Variants in RNF157 observed in about 807,000 individuals in gnomAD.
RNF157 encodes E3 ubiquitin ligase RNF157.
In RNF157, 55 loss-of-function variants were observed where a neutral mutation model predicts 88.3. The observed-to-expected ratio is 0.62, with a 90% CI of 0.50 to 0.78. The LOEUF is 0.78. Ranked by LOEUF, RNF157 falls within the 30% of genes least tolerant of loss-of-function variation. The probability of loss-of-function intolerance (pLI) is 0.00; values close to 1 mark genes in which losing one functional copy is unlikely to be tolerated. For missense variants in RNF157, 788 were observed against 860.8 expected, an observed-to-expected ratio of 0.92 and a Z score of 1.06; for synonymous variants, 334 against 341.2, an observed-to-expected ratio of 0.98 and a Z score of 0.23.
At chr17:76,198,163 G>C (rs1332638661) in intron 2 of RNF157, among the ~76,000 whole-genome samples, 1 of 152,198 alleles carries the variant, frequency 6.6e-6, no homozygotes, top group African/African-American at 2.4e-5. Context: ...GGCTTATCAT[G>C]CCAGAGGTGC....
chr17:76,147,386 G>GCAC (rs1227821260), intron 18 of RNF157: 1 of 977,322 alleles, frequency 1.0e-6, no homozygotes, highest in Non-Finnish European at 1.2e-6. Flanking sequence ...AAAAACAGCA[G>GCAC]CACCACCACC....
intron 1 of RNF157, among the ~76,000 whole-genome samples, chr17:76,239,761 C>T (rs183468209): frequency 6.6e-6 from 1 of 152,194 alleles, no homozygotes; most frequent in Middle Eastern, 3.2e-3. Context: ...CCCCGCGAGG[C>T]AGGTAGGCTT....
rs757374111 is a variant in RNF157, at chr17:76,161,616, C to A, written c.984G>T (p.Met328Ile). ...PFRALLQIRA[M>I]RKKLGPLSPT... Reference sequence around the variant, plus strand: ...GGGACAAGGGGCCCAATTTTTTCCTCATGGCTCGGATCTGAAGCAGTGCCC... The same window carrying A: ...GGGACAAGGGGCCCAATTTTTTCCTAATGGCTCGGATCTGAAGCAGTGCCC... Residue 328 changes from methionine to isoleucine, a missense_variant, in exon 11 of 19, where the codon ATG becomes ATT. Met to Ile is a conservative substitution (Grantham distance 10). Coordinates refer to ENST00000269391, the MANE Select transcript of RNF157 (RefSeq NM_052916.3). The surrounding 1 kb of genome is among the most constrained non-coding windows in gnomAD (Gnocchi z 4.6). The A allele has an allele frequency of 3.1e-6, 5 of 1,614,150 alleles. No homozygotes were observed. Among genetic ancestry groups the A allele is most frequent in the Non-Finnish European group, 4.2e-6 (5 of 1,180,024 alleles).
chr17:76,204,761 A>C (rs1388443859), intron 2 of RNF157, among the ~76,000 whole-genome samples: 1 of 149,152 alleles, frequency 6.7e-6, no homozygotes, highest in African/African-American at 2.5e-5. Flanking sequence ...TATGCATCTT[A>C]TTTCTTTTCT....
chr17:76,211,796 G>A (rs2069805272), intron 2 of RNF157: 1 of 152,354 alleles, frequency 6.6e-6, no homozygotes, highest in Non-Finnish European at 1.5e-5. Context: ...ATGATGCAGA[G>A]AAGGTGCGCA....
rs192989012 is a variant in RNF157, at chr17:76,237,723, C to T, written c.88+2430G>A. On this transcript the variant is annotated intron_variant, in intron 1 of 18. Coordinates refer to ENST00000269391, the MANE Select transcript of RNF157 (RefSeq NM_052916.3). Reference sequence around the variant, plus strand: ...CAGTGAAATGAATGGGAGGCCAAGGCGGGAGGATTGCTTGAGACCACGAGT... The same window carrying T: ...CAGTGAAATGAATGGGAGGCCAAGGTGGGAGGATTGCTTGAGACCACGAGT... Among the ~76,000 whole-genome samples, 6 of 152,188 alleles carry T rather than the reference C, an allele frequency of 3.9e-5. No homozygotes were observed. The South Asian group carries it at 6.2e-4, about 16-fold the overall frequency.
chr17:76,167,461 G>A (rs2068945814), intron 4 of RNF157, among the ~76,000 whole-genome samples, 190 bp downstream of exon 4: 2 of 152,334 alleles, frequency 1.3e-5, no homozygotes, highest in South Asian at 4.1e-4. Flanking sequence ...TCAGGAACCA[G>A]ATCTCATCTG....
At chr17:76,175,623 C>T (rs573102830) in intron 2 of RNF157, 569 of 288,582 alleles carry the variant, frequency 2.0e-3, no homozygotes, top group Non-Finnish European at 2.8e-3. Flanking sequence ...CAGGAAAATC[C>T]GACACAAACG....
rs1056649825 is a variant in RNF157 at position 76,144,276 on chromosome 17, T to G, written c.*959A>C. ...GCACCTGATCAGGAGAAATGCTCCT[T>G]AAGGGAAATCATCTTAACTGGGGGA... On this transcript the variant is annotated 3_prime_UTR_variant, in exon 19 of 19. Coordinates refer to ENST00000269391, the MANE Select transcript of RNF157 (RefSeq NM_052916.3). 1 of 151,798 alleles carries G rather than the reference T, an allele frequency of 6.6e-6. No homozygotes were observed. The highest frequency in any genetic ancestry group is 1.5e-5 in the Non-Finnish European group (1 of 67,968). The allele number at this position is 151,798 out of a possible 1,614,324, so 9.4% of individuals were successfully genotyped here. A position where few individuals can be genotyped will look rare whatever the true frequency, so the allele number is the denominator to read the frequency against.
intron 11 of RNF157, 125 bp from the exon 12 acceptor site, chr17:76,159,698 A>T (rs1373754044): frequency 1.4e-6 from 1 of 704,454 alleles, no homozygotes; most frequent in African/African-American, 1.8e-5. Context: ...TGGTAAGAAC[A>T]ACTGTACTAG....
intron 1 of RNF157, among the ~76,000 whole-genome samples, chr17:76,239,399 A>G (rs1961683516): frequency 6.6e-6 from 1 of 152,122 alleles, no homozygotes; most frequent in African/African-American, 2.4e-5. Context: ...ACATACTTCT[A>G]TACGTTTCCA....
chr17:76,212,069 A>G (rs1423655882), intron 2 of RNF157: 1 of 219,014 alleles, frequency 4.6e-6, no homozygotes, highest in African/African-American at 2.3e-5. Context: ...TGAAGAAAAA[A>G]AAAAAAGGTA....
At position 76,167,747 on chromosome 17, in the gene RNF157, A is replaced by C; in HGVS notation, c.347T>G (p.Val116Gly). ...AAAGGTGAACTCAACATTGTAGTGG[A>C]CTTTAGCTTTACTGGCCTCTTCTCC... ...SPGEEASKAK[V>G]HYNVEFTFDT... Residue 116 changes from valine to glycine, a missense_variant, in exon 4 of 19, where the codon GTC becomes GGC. Coordinates refer to ENST00000269391, the MANE Select transcript of RNF157 (RefSeq NM_052916.3). 1 of 1,614,154 alleles carries C rather than the reference A, an allele frequency of 6.2e-7. No individual in the cohort carries two copies. Among genetic ancestry groups the C allele is most frequent in the East Asian group, 2.2e-5 (1 of 44,894 alleles).
chr17:76,207,035 A>G (rs1246024821), intron 2 of RNF157, among the ~76,000 whole-genome samples: 1 of 152,184 alleles, frequency 6.6e-6, no homozygotes, highest in Non-Finnish European at 1.5e-5. Context: ...TAAAACTTGA[A>G]ATCTAGATTC....
chr17:76,219,982 T>C (rs1453102098), intron 1 of RNF157, among the ~76,000 whole-genome samples: 1 of 152,190 alleles, frequency 6.6e-6, no homozygotes, highest in Non-Finnish European at 1.5e-5. Flanking sequence ...CCTGAATTTG[T>C]ATTAGAAATA....
chr17:76,162,679 T>C, intron 8 of RNF157, 56 bp from the exon 9 acceptor site: 1 of 1,289,212 alleles, frequency 7.8e-7, no homozygotes, highest in Non-Finnish European at 1.1e-6. Flanking sequence ...GAGACAAGAG[T>C]GGGAACTCCC....
At chr17:76,226,560 G>A (rs968987089) in intron 1 of RNF157, 6 of 1,613,516 alleles carry the variant, frequency 3.7e-6, no homozygotes, top group Admixed American at 3.3e-5. Context: ...AACATCCAAT[G>A]TGTCCCAGAG....
chr17:76,179,792 G>A (rs1407526466), intron 2 of RNF157, among the ~76,000 whole-genome samples: 1 of 152,148 alleles, frequency 6.6e-6, no homozygotes, highest in African/African-American at 2.4e-5. Context: ...GCCTTCTTGG[G>A]ACCAAGAAAG....
chr17:76,225,310 C>T (rs1187356582), intron 1 of RNF157, among the ~76,000 whole-genome samples: 1 of 152,194 alleles, frequency 6.6e-6, no homozygotes, highest in African/African-American at 2.4e-5. Context: ...CATAGCAAGA[C>T]TCCATCTCCA....
Sources: allele counts gnomAD v4.1 joint callset (sites outside exome capture counted in the v4.1 genomes callset), GRCh38; gene constraint gnomAD v4.1.1; non-coding constraint Gnocchi (gnomAD v3.1); transcripts MANE v1.5; gene names NCBI Gene and HGNC (gene_info 2026-07-23, HGNC 2026-07-21).